The following ZBBX variants were observed in gnomAD, a reference collection of about 807,000 sequenced individuals.
ZBBX encodes zinc finger B-box domain containing, also known as zinc finger B-box domain-containing protein 1.
A neutral mutation model predicts 108.5 loss-of-function variants in ZBBX; 101 were observed. That is an observed-to-expected ratio of 0.93 (90% CI 0.79 to 1.10). The LOEUF is 1.10. Ranked by LOEUF, ZBBX falls within the 50% of genes least tolerant of loss-of-function variation. The pLI, the probability that ZBBX is intolerant of heterozygous loss-of-function variation, is 0.00. For synonymous variants in ZBBX, 356 were observed against 323.4 expected (o/e 1.10, Z -1.08); for missense variants, 1,009 against 941.4 (o/e 1.07, Z -0.94).
At chr3:167,179,504 C>G in the ZBBX span, among the ~76,000 whole-genome samples, 4 of 152,210 alleles carry the variant, frequency 2.6e-5, no homozygotes, top group South Asian at 8.3e-4. Flanking sequence ...AGGGTGCATT[C>G]TATTCCTAAC....
chr3:167,348,877 AT>A (rs1471624392), intron 9 of ZBBX, among the ~76,000 whole-genome samples: 22 of 152,216 alleles, frequency 1.4e-4, no homozygotes, highest in Admixed American at 4.6e-4. Flanking sequence ...ATACACTTTA[AT>A]AATATTAACA....
intron 20 of ZBBX, among the ~76,000 whole-genome samples, chr3:167,250,269 T>C (rs192329822): frequency 5.9e-5 from 9 of 152,250 alleles, no homozygotes. Context: ...ACAAAAGCTT[T>C]GATGACCACC....
Position 167,397,344 on chromosome 3 carries a change from A to G in ZBBX, c.-446+10382T>C, listed in dbSNP as rs552907789. On this transcript the variant is annotated intron_variant, in intron 1 of 21. Transcript: ENST00000455345. Reference sequence around the variant, plus strand: ...TCACAAGTCACCTCACATACACTGTATGGATGGCCCATGAAATTCTTTTAA... The same window carrying G: ...TCACAAGTCACCTCACATACACTGTGTGGATGGCCCATGAAATTCTTTTAA... 4.6e-5 allele frequency among the ~76,000 whole-genome samples: 7 copies of G among 151,922 alleles called. No homozygotes were observed. The South Asian group carries it at 1.5e-3, about 32-fold the overall frequency.
intron 1 of ZBBX, among the ~76,000 whole-genome samples, chr3:167,404,008 A>G (rs974875801): frequency 6.6e-6 from 1 of 152,138 alleles, no homozygotes; most frequent in African/African-American, 2.4e-5. Flanking sequence ...AGAAAAAGCA[A>G]TATTGTCAGA....
At chr3:167,184,605 C>A in the ZBBX span, among the ~76,000 whole-genome samples, 1 of 152,076 alleles carries the variant, frequency 6.6e-6, no homozygotes, top group Non-Finnish European at 1.5e-5. Context: ...ATTAAGCAGC[C>A]AGGTCCAGGA....
chr3:167,257,859 T>A (rs13072113), intron 20 of ZBBX, among the ~76,000 whole-genome samples: 49,593 of 151,920 alleles, frequency 0.33, 9,398 homozygotes, highest in Non-Finnish European at 0.43. Flanking sequence ...TTTTTCTTTT[T>A]TTACTGATTT....
At chr3:167,282,659 C>A (rs933802970) in intron 19 of ZBBX, 164 bp from the exon 20 acceptor site, 6 of 571,348 alleles carry the variant, frequency 1.1e-5, no homozygotes, top group African/African-American at 9.3e-5. Flanking sequence ...ACCACATTTT[C>A]TTAATCTCAA....
chr3:167,314,133 C>A lies in ZBBX; in HGVS notation c.1275-17G>T, dbSNP rs760821366. ...AAAGCACAACTTTCACATGTAGGAA[C>A]AAACAAAATAATAGAGTTGAAAAAA... is the stretch of plus-strand genomic sequence containing the variant. On this transcript the variant is annotated splice_polypyrimidine_tract_variant and intron_variant, in intron 15 of 21. Coordinates refer to ENST00000675490, the MANE Select transcript of ZBBX (RefSeq NM_001199201.2). The A allele has an allele frequency of 7.7e-6, 12 of 1,550,120 alleles. No individual in the cohort carries two copies. Among genetic ancestry groups the A allele is most frequent in the South Asian group, 1.3e-5 (1 of 79,008 alleles).
chr3:167,216,732 C>G, the ZBBX span, among the ~76,000 whole-genome samples: 1 of 152,104 alleles, frequency 6.6e-6, no homozygotes, highest in African/African-American at 2.4e-5. Flanking sequence ...TACTACAAGG[C>G]TACAGTGACC....
the ZBBX span, among the ~76,000 whole-genome samples, chr3:167,218,366 T>C: frequency 3.3e-5 from 5 of 152,112 alleles, no homozygotes; most frequent in Admixed American, 6.6e-5. Context: ...ATTAATCATA[T>C]CTTCAGTAGA....
At chr3:167,191,978 A>G in the ZBBX span, among the ~76,000 whole-genome samples, 1 of 138,324 alleles carries the variant, frequency 7.2e-6, no homozygotes, top group African/African-American at 2.7e-5. Flanking sequence ...CTTAGATAAC[A>G]AAAAAAACCT....
chr3:167,393,233 C>G (rs969380662), intron 1 of ZBBX, among the ~76,000 whole-genome samples: 1 of 151,718 alleles, frequency 6.6e-6, no homozygotes. Context: ...GTCCCCCTGC[C>G]AGTCTGGATG....
chr3:167,238,920 G>T (rs61639748), downstream of ZBBX, among the ~76,000 whole-genome samples: 2,189 of 152,038 alleles, frequency 0.014, 49 homozygotes, highest in African/African-American at 0.05. Flanking sequence ...GGCTGTATTG[G>T]GTTCTCCAGA....
chr3:167,228,135 A>G, the ZBBX span, among the ~76,000 whole-genome samples: 1 of 151,902 alleles, frequency 6.6e-6, no homozygotes, highest in East Asian at 1.9e-4. Flanking sequence ...AAGACTTAAA[A>G]ATTCTTTCAT....
chr3:167,247,146 C>A lies in ZBBX; in HGVS notation c.2255-4503G>T, dbSNP rs192828947. 2.4e-3 allele frequency among the ~76,000 whole-genome samples: 361 copies of A among 152,272 alleles called. 3 individuals are homozygous for A. Among genetic ancestry groups the A allele is most frequent in the African/African-American group, 8.5e-3 (353 of 41,546 alleles). On this transcript the variant is annotated intron_variant, in intron 20 of 21. Coordinates refer to ENST00000675490, the MANE Select transcript of ZBBX (RefSeq NM_001199201.2). Reference sequence around the variant, plus strand: ...TGGCCCACCACATCCCCATCCTGGGCCTATAAAAACCTGAGACACTAGCAG... The same window carrying A: ...TGGCCCACCACATCCCCATCCTGGGACTATAAAAACCTGAGACACTAGCAG...
chr3:167,184,882 T>C, the ZBBX span, among the ~76,000 whole-genome samples: 118 of 152,294 alleles, frequency 7.7e-4, 1 homozygote, highest in African/African-American at 2.8e-3. Flanking sequence ...AGAACCCAAA[T>C]TATTGTCAGT....
rs1729580782 is a variant in ZBBX, at chr3:167,285,725, T to G, written c.1996+3142A>C. On this transcript the variant is annotated intron_variant, in intron 19 of 21. Transcript: ENST00000675490. The stretch of plus-strand genomic sequence containing the variant: ...AATTATAAAATTATTTATCACCCTC[T>G]AAAACTGCCAGGCACTGTGTCAGGA... Among the ~76,000 whole-genome samples, 2 of 152,122 alleles carry G rather than the reference T, an allele frequency of 1.3e-5. 1 individual carries two copies. The highest frequency in any genetic ancestry group is 4.1e-4 in the South Asian group (2 of 4,828).
At chr3:167,316,145 A>T (rs1278354779) in intron 14 of ZBBX, among the ~76,000 whole-genome samples, 2 of 152,098 alleles carry the variant, frequency 1.3e-5, no homozygotes, top group Non-Finnish European at 2.9e-5. Flanking sequence ...CTCATCATAA[A>T]CTTACGCTGT....
chr3:167,212,091 G>T, the ZBBX span, among the ~76,000 whole-genome samples: 1 of 152,114 alleles, frequency 6.6e-6, no homozygotes, highest in Non-Finnish European at 1.5e-5. Flanking sequence ...GCCAACAACA[G>T]GTCTGTCCCT....
Sources: allele counts gnomAD v4.1 joint callset (sites outside exome capture counted in the v4.1 genomes callset), GRCh38; gene constraint gnomAD v4.1.1; transcripts MANE v1.5; gene names NCBI Gene and HGNC (gene_info 2026-07-23, HGNC 2026-07-21).